Variants in SCFD2 observed in about 807,000 individuals in gnomAD.
The protein encoded by SCFD2 is sec1 family domain containing 2, also known as sec1 family domain-containing protein 2.
SCFD2 carries 54 observed loss-of-function variants against 58.9 expected under a neutral mutation model. The observed-to-expected ratio is 0.92, with a 90% CI of 0.74 to 1.15. The LOEUF is 1.15. SCFD2 is among the 50% of genes most tolerant of loss of function. SCFD2 has a pLI of 0.00. For synonymous variants in SCFD2, 321 were observed against 335.9 expected (o/e 0.96, Z 0.49); for missense variants, 805 against 836.6 (o/e 0.96, Z 0.47).
At chr4:52,890,889 C>T (rs576222012) in intron 7 of SCFD2, among the ~76,000 whole-genome samples, 4 of 152,224 alleles carry the variant, frequency 2.6e-5, no homozygotes, top group East Asian at 1.9e-4. Context: ...AGTTTCTAGG[C>T]GCCCTCTAAG....
At chr4:53,298,016 G>A (rs1307625154) in intron 3 of SCFD2, among the ~76,000 whole-genome samples, 1 of 152,170 alleles carries the variant, frequency 6.6e-6, no homozygotes, top group East Asian at 1.9e-4. Context: ...CTCCCAGCAT[G>A]AACGACACAG....
intron 4 of SCFD2, among the ~76,000 whole-genome samples, chr4:53,252,101 G>T (rs905484783): frequency 6.7e-6 from 1 of 148,898 alleles, no homozygotes; most frequent in Non-Finnish European, 1.5e-5. Flanking sequence ...CAGACAAACA[G>T]AGAGCCAAAT....
chr4:53,154,736 T>C (rs569716069), intron 4 of SCFD2, among the ~76,000 whole-genome samples: 1 of 152,222 alleles, frequency 6.6e-6, no homozygotes, highest in Non-Finnish European at 1.5e-5. Context: ...TGATGAAGGT[T>C]GCAGATCTTC....
chr4:53,089,698 G>C (rs1724416753), intron 5 of SCFD2, among the ~76,000 whole-genome samples: 1 of 152,118 alleles, frequency 6.6e-6, no homozygotes, highest in Admixed American at 6.6e-5. Flanking sequence ...AAAATTGCTT[G>C]AAAGGGATCA....
chr4:53,363,929 G>A (rs953631642), intron 1 of SCFD2, among the ~76,000 whole-genome samples: 4 of 152,114 alleles, frequency 2.6e-5, no homozygotes, highest in East Asian at 1.9e-4. Context: ...AGTCTTAGGG[G>A]AGGGTACAAA....
At chr4:53,339,648 T>A (rs1432915780) in intron 2 of SCFD2, among the ~76,000 whole-genome samples, 1 of 151,974 alleles carries the variant, frequency 6.6e-6, no homozygotes, top group Non-Finnish European at 1.5e-5. Flanking sequence ...TGCACACCTG[T>A]AGTCCCAGCT....
In SCFD2 at chr4:53,365,572, C is replaced by A. The variant is rs1340087271; in HGVS notation, c.370G>T (p.Ala124Ser). The change falls in exon 1 of 9, where the codon GCC (alanine) becomes TCC (serine). Residue 124 changes from alanine to serine, a missense_variant. By Grantham distance (99) the Ala-to-Ser change is moderately conservative. Coordinates refer to ENST00000401642, the MANE Select transcript of SCFD2 (RefSeq NM_152540.4). The surrounding 1 kb of genome is among the most constrained non-coding windows in gnomAD (Gnocchi z 4.3). ...ACCGGCTGCTGCCCCTCCATCTCGG[C>A]CGCTGCCGCCGCTGGGACATGATTA... ...TANHVPAAAAAEMEGQQPVFE... is the reference protein window; with the variant it reads ...TANHVPAAAASEMEGQQPVFE... The A allele has an allele frequency of 1.9e-6, 3 of 1,614,006 alleles. No homozygotes were observed. The highest frequency in any genetic ancestry group is 3.3e-5 in the Admixed American group (2 of 60,028).
At chr4:52,902,762 A>G (rs1159780160) in intron 7 of SCFD2, among the ~76,000 whole-genome samples, 2 of 152,230 alleles carry the variant, frequency 1.3e-5, no homozygotes, top group Non-Finnish European at 2.9e-5. Context: ...ATAGATGATG[A>G]CACTTAGGCA....
At chr4:53,061,556 G>A (rs1723512247) in intron 5 of SCFD2, among the ~76,000 whole-genome samples, 1 of 152,146 alleles carries the variant, frequency 6.6e-6, no homozygotes, top group Admixed American at 6.6e-5. Flanking sequence ...CTACAAATCA[G>A]AAGGGCTTTT....
At position 52,873,963 on chromosome 4, in the gene SCFD2, G is replaced by T. The variant is rs115805464; in HGVS notation, c.*6C>A. 6.2e-7 allele frequency: 1 copy of T among 1,604,400 alleles called. No individual in the cohort carries two copies. The highest frequency in any genetic ancestry group is 8.5e-7 in the Non-Finnish European group (1 of 1,171,388). ...CTTGAGTAGGTCTTATCTTCTTAGC[G>T]GATGCTCAGAAGCCAAGGTCTGGAT... On this transcript the variant is annotated 3_prime_UTR_variant, in exon 9 of 9. Transcript: ENST00000401642.
rs148604026 is a variant in SCFD2, at chr4:53,048,228, G to A, written c.1561+97105C>T. ...TAGCTCAGTGTGGTGGTGTGTGCCT[G>A]TAGTCCCAGCTACTTGGGAGGCTGA... is the stretch of plus-strand genomic sequence containing the variant. On this transcript the variant is annotated intron_variant, in intron 5 of 8. Coordinates refer to ENST00000401642, the MANE Select transcript of SCFD2 (RefSeq NM_152540.4). Among the ~76,000 whole-genome samples, 226 of 152,274 alleles carry A rather than the reference G, an allele frequency of 1.5e-3. 1 individual carries two copies. Among genetic ancestry groups the A allele is most frequent in the African/African-American group, 5.3e-3 (220 of 41,552 alleles).
At chr4:53,244,730 G>T (rs1730009530) in intron 4 of SCFD2, among the ~76,000 whole-genome samples, 1 of 150,784 alleles carries the variant, frequency 6.6e-6, no homozygotes, top group South Asian at 2.1e-4. Context: ...CAGAAGACAA[G>T]AAATAAGCAA....
Position 53,273,783 on chromosome 4 carries a change from A to G in SCFD2, c.1311+43T>C, listed in dbSNP as rs1413139567. ...TCAAGGTTTTTCTCTGGAAGTCAAA[A>G]CATTAATTATTAAGATCCCACGAGG... On this transcript the variant is annotated intron_variant, in intron 4 of 8. Coordinates refer to ENST00000401642, the MANE Select transcript of SCFD2 (RefSeq NM_152540.4). The G allele has an allele frequency of 4.6e-6, 7 of 1,525,986 alleles. No individual in the cohort carries two copies. The Admixed American group carries it at 8.1e-5, about 18-fold the overall frequency. The allele number at this position is 1,525,986 out of a possible 1,614,324, so 94.5% of individuals were successfully genotyped here. A position where few individuals can be genotyped will look rare whatever the true frequency, so the allele number is the denominator to read the frequency against.
intron 7 of SCFD2, among the ~76,000 whole-genome samples, chr4:52,895,373 CT>C (rs2109457085): frequency 6.6e-6 from 1 of 152,210 alleles, no homozygotes; most frequent in Non-Finnish European, 1.5e-5. Context: ...TTCCTGTGTC[CT>C]TGTGTTCTCA....
intron 5 of SCFD2, among the ~76,000 whole-genome samples, chr4:53,104,190 G>A (rs1425960573): frequency 1.3e-5 from 2 of 152,106 alleles, no homozygotes; most frequent in African/African-American, 4.8e-5. Context: ...TAATTGTACA[G>A]TAGAGAAAAC....
intron 4 of SCFD2, among the ~76,000 whole-genome samples, chr4:53,245,422 C>T (rs914232846): frequency 2.6e-5 from 4 of 152,110 alleles, no homozygotes; most frequent in African/African-American, 9.7e-5. Flanking sequence ...ATCAAGTAAA[C>T]TTTATCCATG....
rs1577932735 is a variant in SCFD2 at position 53,287,632 on chromosome 4, C to T, written c.1136-13631G>A. Among the ~76,000 whole-genome samples, 8 of 152,278 alleles carry T rather than the reference C, an allele frequency of 5.3e-5. No individual in the cohort carries two copies. In the South Asian group the frequency reaches 1.7e-3, roughly 32 times the overall value. ...ACTCTATAAATTGGGAAGAGACAAC[C>T]ATTCTACCAGATACACAGACATCAC... On this transcript the variant is annotated intron_variant, in intron 3 of 8. Coordinates refer to ENST00000401642, the MANE Select transcript of SCFD2 (RefSeq NM_152540.4).
intron 5 of SCFD2, among the ~76,000 whole-genome samples, chr4:53,050,899 T>C (rs1371008969): frequency 6.6e-6 from 1 of 152,186 alleles, no homozygotes; most frequent in Admixed American, 6.5e-5. Flanking sequence ...CCCCATTTCC[T>C]GTCGTCTGTC....
intron 5 of SCFD2, among the ~76,000 whole-genome samples, chr4:52,940,921 C>T (rs920085088): frequency 4.6e-5 from 7 of 152,146 alleles, no homozygotes; most frequent in Non-Finnish European, 1.0e-4. Flanking sequence ...TAGAAATGCC[C>T]TTCTGATCCT....
Sources: gnomAD v4.1 joint callset for allele counts (sites outside exome capture counted in the v4.1 genomes callset) on GRCh38, gnomAD v4.1.1 for gene constraint, Gnocchi (gnomAD v3.1) non-coding constraint, MANE v1.5 for transcripts, NCBI Gene and HGNC (gene_info 2026-07-23, HGNC 2026-07-21) for gene names.